The following SSUH2 variants were observed in gnomAD, a reference collection of about 807,000 sequenced individuals.
SSUH2 encodes the protein ssu-2 homolog.
In SSUH2, 47 loss-of-function variants were observed where a neutral mutation model predicts 55.3. The observed-to-expected ratio is 0.85, with a 90% CI of 0.67 to 1.08. SSUH2 has a LOEUF of 1.08. Among genes scored for constraint, SSUH2 ranks in the 50% least tolerant of loss-of-function variants. SSUH2 has a pLI of 0.00. For synonymous variants in SSUH2, 212 were observed against 191.5 expected (o/e 1.11, Z -0.89); for missense variants, 535 against 490.7 (o/e 1.09, Z -0.85).
In SSUH2 at chr3:8,629,490, C is replaced by T. The variant is rs188007891; in HGVS notation, c.588+174G>A. 518 of 607,412 alleles carry T rather than the reference C, an allele frequency of 8.5e-4. 2 individuals carry two copies. In the African/African-American group the frequency reaches 8.9e-3, roughly 10 times the overall value. 37.6% of individuals were successfully genotyped at this position (607,412 alleles called of 1,614,324 possible). A position where few individuals can be genotyped will look rare whatever the true frequency, so the allele number is the denominator to read the frequency against. On this transcript the variant is annotated intron_variant, in intron 7 of 11. Coordinates refer to ENST00000544814, the MANE Select transcript of SSUH2 (RefSeq NM_001256748.3). ...GAAAGTGTCATTAGAGACCACACAA[C>T]CCCACTTTTTCATTTTATAGACGGG...
At chr3:8,631,172 T>C (rs1427481351) in intron 5 of SSUH2, among the ~76,000 whole-genome samples, 2 of 152,242 alleles carry the variant, frequency 1.3e-5, no homozygotes, top group Admixed American at 6.5e-5. Flanking sequence ...TTTAGAGAAG[T>C]TTCTTACCCT....
chr3:8,639,391 G>T (rs1207312924), intron 1 of SSUH2, among the ~76,000 whole-genome samples: 1 of 152,214 alleles, frequency 6.6e-6, no homozygotes, highest in Middle Eastern at 3.2e-3. Context: ...ACTCAAAGAT[G>T]TGGTTTGGGG....
chr3:8,651,035 G>T (rs1702339450), intron 7 of SSUH2, among the ~76,000 whole-genome samples: 1 of 152,226 alleles, frequency 6.6e-6, no homozygotes, highest in Admixed American at 6.5e-5. Flanking sequence ...GCCAGCAATT[G>T]CACGCATTTT....
Position 8,619,890 on chromosome 3 carries a change from C to T in SSUH2, c.1106G>A (p.Cys369Tyr), listed in dbSNP as rs1366135873. ...VYAVDYPERY[C>Y]CGCTIV is the part of the protein sequence containing the mutation. ...ATGTCACACGATGGTACAGCCACAGCAATACCGCTCAGGATAGTCCACCGC... is the reference window on the plus strand; with the variant it reads ...ATGTCACACGATGGTACAGCCACAGTAATACCGCTCAGGATAGTCCACCGC... The change falls in exon 12 of 12, where the codon TGC (cysteine) becomes TAC (tyrosine). Residue 369 changes from cysteine to tyrosine, a missense_variant. Cys to Tyr is a radical substitution (Grantham distance 194). Transcript: ENST00000544814. The T allele has an allele frequency of 6.2e-7, 1 of 1,614,052 alleles. No individual in the cohort carries two copies. The highest frequency in any genetic ancestry group is 8.5e-7 in the Non-Finnish European group (1 of 1,179,992).
At chr3:8,635,909 G>A in intron 1 of SSUH2, 52 bp from the exon 2 acceptor site, 1 of 1,469,122 alleles carries the variant, frequency 6.8e-7, no homozygotes, top group East Asian at 2.5e-5. Flanking sequence ...GAGGGCTGAT[G>A]AGGGCTTCAC....
Position 8,676,586 on chromosome 3 carries a change from G to A in SSUH2, c.-753+620C>T, listed in dbSNP as rs1209183014. Among the ~76,000 whole-genome samples, 3 of 150,986 alleles carry A rather than the reference G, an allele frequency of 2.0e-5. 1 individual carries two copies. Among genetic ancestry groups the A allele is most frequent in the Non-Finnish European group, 4.4e-5 (3 of 67,898 alleles). ...CAACCTCTCGGCCTCTGAATATTAG[G>A]AAGAATATCACAGCGTGGGTGTACA... On this transcript the variant is annotated intron_variant, in intron 3 of 18. Coordinates refer to the SSUH2 transcript ENST00000317371.
intron 7 of SSUH2, among the ~76,000 whole-genome samples, chr3:8,653,002 C>T (rs1702578211): frequency 6.6e-6 from 1 of 152,222 alleles, no homozygotes; most frequent in African/African-American, 2.4e-5. Flanking sequence ...CCCTGAAGCT[C>T]TGCCATTGTA....
At chr3:8,661,972 CTT>C (rs944471964) in intron 6 of SSUH2, among the ~76,000 whole-genome samples, 6 of 152,206 alleles carry the variant, frequency 3.9e-5, no homozygotes, top group African/African-American at 1.2e-4. Flanking sequence ...CATTCTCTCT[CTT>C]GTCTGCTTCC....
At chr3:8,644,660 T>G (rs1701422829) in intron 1 of SSUH2, 71 bp downstream of exon 1, 1 of 1,337,870 alleles carries the variant, frequency 7.5e-7, no homozygotes, top group South Asian at 1.2e-5. Flanking sequence ...GAGGTCAGAT[T>G]AGGTCCTCTT....
intron 5 of SSUH2, among the ~76,000 whole-genome samples, chr3:8,668,888 T>G (rs1704246083): frequency 6.6e-6 from 1 of 151,972 alleles, no homozygotes; most frequent in Non-Finnish European, 1.5e-5. Flanking sequence ...ATTCTACGTT[T>G]TACAACCATT....
rs79538653 is a variant in SSUH2 at position 8,621,131 on chromosome 3, C to G, written c.982-1117G>C. Among the ~76,000 whole-genome samples, 12 of 152,346 alleles carry G rather than the reference C, an allele frequency of 7.9e-5. 1 individual carries two copies. In the East Asian group the frequency reaches 2.1e-3, roughly 27 times the overall value. On this transcript the variant is annotated intron_variant, in intron 11 of 11. Transcript: ENST00000544814. ...GTTGCTCCTGATCATCTAAGCCAAG[C>G]TTTCTTGTGGACTTCCTGTGGGCCG... is the stretch of plus-strand genomic sequence containing the variant.
chr3:8,633,985 G>A (rs1051387718), intron 3 of SSUH2, 190 bp from the exon 4 acceptor site: 18 of 1,600,362 alleles, frequency 1.1e-5, no homozygotes, highest in Non-Finnish European at 1.4e-5. Flanking sequence ...GTGAGAACGG[G>A]GCAGGTTTTC....
rs1011957176 is a variant in SSUH2, at chr3:8,635,831, C to T, written c.55G>A (p.Glu19Lys). ...DSVVDLSFEA[E>K]SPLAPPTELL... is the part of the protein sequence containing the mutation. ...TCTGTGGGGGGCGCCAGAGGACTCT[C>T]GGCCTCAAAACTGAGGTCCACCACA... The change falls in exon 2 of 12, where the codon GAG becomes AAG. Residue 19 changes from glutamate (E) to lysine (K), a missense_variant. Glu to Lys is a moderately conservative substitution (Grantham distance 56). Transcript: ENST00000544814. 14 of 1,535,896 alleles carry T rather than the reference C, an allele frequency of 9.1e-6. No individual in the cohort carries two copies. Among genetic ancestry groups the T allele is most frequent in the Admixed American group, 2.0e-5 (1 of 50,984 alleles).
intron 2 of SSUH2, among the ~76,000 whole-genome samples, chr3:8,678,535 C>CT: frequency 8.0e-6 from 1 of 124,782 alleles, no homozygotes; most frequent in South Asian, 2.9e-4. Flanking sequence ...GCCAGCCCCT[C>CT]TTCCCTCCAT....
intron 5 of SSUH2, among the ~76,000 whole-genome samples, chr3:8,670,238 G>T (rs1704402996): frequency 1.3e-5 from 2 of 152,140 alleles, no homozygotes; most frequent in African/African-American, 2.4e-5. Context: ...GCGGAGAGGG[G>T]TGTTTTTGTG....
chr3:8,678,890 A>AG lies in SSUH2; in HGVS notation c.-901+814dup, dbSNP rs1491324356. Among the ~76,000 whole-genome samples the AG allele has an allele frequency of 5.9e-5, 6 of 101,700 alleles. 2 individuals are homozygous for AG. The highest frequency in any genetic ancestry group is 1.4e-4 in the African/African-American group (4 of 28,094). 66.7% of individuals were successfully genotyped at this position (101,700 alleles called of 152,430 possible). A position where few individuals can be genotyped will look rare whatever the true frequency, so the allele number is the denominator to read the frequency against. On this transcript the variant is annotated intron_variant, in intron 2 of 18. Transcript: ENST00000317371. The stretch of plus-strand genomic sequence containing the variant: ...CCTGGCTCTTAGGATCCCCATTGCA[A>AG]GGGAGGGAGGCACCCCCCGCCAGGC...
At chr3:8,647,669 C>T (rs764023931), upstream of SSUH2, among the ~76,000 whole-genome samples, 28 of 152,322 alleles carry the variant, frequency 1.8e-4, no homozygotes, top group South Asian at 2.3e-3. Flanking sequence ...TCTACAGAGC[C>T]CTCACTCTCA....
chr3:8,630,562 C>T lies in SSUH2; in HGVS notation c.525+243G>A, dbSNP rs143129306. 4.3e-3 allele frequency among the ~76,000 whole-genome samples: 659 copies of T among 152,304 alleles called. 5 individuals are homozygous for T. The highest frequency in any genetic ancestry group is 0.014 in the African/African-American group (601 of 41,558). On this transcript the variant is annotated intron_variant, in intron 6 of 11. Coordinates refer to ENST00000544814, the MANE Select transcript of SSUH2 (RefSeq NM_001256748.3). ...TGTCACTGCTCACTAAAGCTGGTGA[C>T]GATTTGTAAATCGGATGATCTGTTT...
intron 1 of SSUH2, among the ~76,000 whole-genome samples, chr3:8,640,258 A>G (rs17049386): frequency 0.011 from 1,676 of 152,328 alleles, 33 homozygotes; most frequent in African/African-American, 0.037. Flanking sequence ...ACAAATAAAA[A>G]CAACTTGAGA....
Sources: allele counts gnomAD v4.1 joint callset (sites outside exome capture counted in the v4.1 genomes callset), GRCh38; gene constraint gnomAD v4.1.1; transcripts MANE v1.5; gene names NCBI Gene and HGNC (gene_info 2026-07-23, HGNC 2026-07-21).